CAMK1D: variants seen among roughly 807,000 people sequenced by gnomAD.
The protein encoded by CAMK1D is calcium/calmodulin-dependent protein kinase type 1D.
In CAMK1D, 9 loss-of-function variants were observed where a neutral mutation model predicts 47.7. That is an observed-to-expected ratio of 0.19 (90% CI 0.11 to 0.33). The LOEUF is 0.33. CAMK1D is among the 10% of genes least tolerant of loss of function. The pLI is 1.00. For synonymous variants in CAMK1D, 184 were observed against 184.9 expected, an observed-to-expected ratio of 0.99 and a Z score of 0.04; for missense variants, 291 against 488.7, an observed-to-expected ratio of 0.60 and a Z score of 3.81.
At position 12,703,066 on chromosome 10, in the gene CAMK1D, CTGAT is replaced by C. The variant is rs147934250; in HGVS notation, c.299+36259_299+36262del. Among the ~76,000 whole-genome samples, 211 of 152,286 alleles carry C rather than the reference CTGAT, an allele frequency of 1.4e-3. 2 individuals carry two copies. In the East Asian group the frequency reaches 0.036, roughly 26 times the overall value. The stretch of plus-strand genomic sequence containing the variant: ...CAGAGTTGTTTCCAAAGAAGTTCAT[CTGAT>C]TGTTTTTGTTGTTTTTCCATCCAAG... On this transcript the variant is annotated intron_variant, in intron 3 of 10. Transcript: ENST00000619168.
At chr10:12,563,876 GT>G (rs2132296993) in intron 2 of CAMK1D, among the ~76,000 whole-genome samples, 1 of 152,328 alleles carries the variant, frequency 6.6e-6, no homozygotes, top group African/African-American at 2.4e-5. Flanking sequence ...GTCTTTGCAT[GT>G]TTATTTCCTT....
intron 2 of CAMK1D, among the ~76,000 whole-genome samples, chr10:12,567,851 G>A (rs969322794): frequency 6.6e-6 from 1 of 152,066 alleles, no homozygotes; most frequent in Non-Finnish European, 1.5e-5. Flanking sequence ...AGAGTGCCTC[G>A]AATTTCGAGC....
chr10:12,360,746 T>C (rs1456133098), intron 1 of CAMK1D, among the ~76,000 whole-genome samples: 2 of 152,144 alleles, frequency 1.3e-5, no homozygotes, highest in African/African-American at 2.4e-5. Context: ...TAATGATGCA[T>C]TGAGGCTTTG....
At chr10:12,570,818 G>A (rs747358619) in intron 2 of CAMK1D, among the ~76,000 whole-genome samples, 3 of 152,060 alleles carry the variant, frequency 2.0e-5, no homozygotes, top group Non-Finnish European at 2.9e-5. Context: ...AGGCGTGGTA[G>A]AGCATGCCTG....
At chr10:12,683,607 C>G (rs944859784) in intron 3 of CAMK1D, among the ~76,000 whole-genome samples, 2 of 152,020 alleles carry the variant, frequency 1.3e-5, no homozygotes, top group African/African-American at 4.8e-5. Flanking sequence ...TTTAGTCTGT[C>G]TCTTCTGACT....
At chr10:12,806,753 C>T (rs1838747821) in intron 6 of CAMK1D, among the ~76,000 whole-genome samples, 1 of 152,222 alleles carries the variant, frequency 6.6e-6, no homozygotes, top group South Asian at 2.1e-4. Flanking sequence ...GGCTTGCTGG[C>T]ACACAAAAAG....
chr10:12,643,125 C>T (rs1001460553), intron 2 of CAMK1D, among the ~76,000 whole-genome samples: 1 of 152,142 alleles, frequency 6.6e-6, no homozygotes, highest in Non-Finnish European at 1.5e-5. Context: ...CCTTAGCAGC[C>T]TGAGTAGCTG....
Position 12,359,914 on chromosome 10 carries a change from G to C in CAMK1D, c.92+10004G>C, listed in dbSNP as rs952543828. 3.3e-5 allele frequency among the ~76,000 whole-genome samples: 5 copies of C among 152,152 alleles called. No individual in the cohort carries two copies. In the South Asian group the frequency reaches 1.0e-3, roughly 32 times the overall value. On this transcript the variant is annotated intron_variant, in intron 1 of 10. Transcript: ENST00000619168. ...ATACCCTTTTGGGGGATTTTTGCAT[G>C]GGAGTTGGGAGAAGATCTCAAAAAC...
chr10:12,572,273 T>C (rs1336102394), intron 2 of CAMK1D, among the ~76,000 whole-genome samples: 1 of 152,136 alleles, frequency 6.6e-6, no homozygotes, highest in Non-Finnish European at 1.5e-5. Context: ...GCTGTTCTCA[T>C]GAGAGTGAGG....
At chr10:12,501,674 T>C (rs1472083248) in intron 1 of CAMK1D, among the ~76,000 whole-genome samples, 2 of 152,176 alleles carry the variant, frequency 1.3e-5, no homozygotes, top group Non-Finnish European at 2.9e-5. Context: ...CAGGGGACAT[T>C]TGGTGACATC....
chr10:12,354,298 G>A (rs1310931989), intron 1 of CAMK1D, among the ~76,000 whole-genome samples: 2 of 152,156 alleles, frequency 1.3e-5, no homozygotes, highest in Non-Finnish European at 2.9e-5. Flanking sequence ...TCAGCCATGA[G>A]GGGTTTTGTG....
intron 3 of CAMK1D, among the ~76,000 whole-genome samples, chr10:12,755,286 C>G (rs10906218): frequency 6.6e-6 from 1 of 152,026 alleles, no homozygotes; most frequent in South Asian, 2.1e-4. Context: ...GAAGTTATGA[C>G]GATTATAGGC....
chr10:12,710,706 G>A (rs1004147240), intron 3 of CAMK1D, among the ~76,000 whole-genome samples: 21 of 152,086 alleles, frequency 1.4e-4, no homozygotes, highest in Admixed American at 4.6e-4. Context: ...TAGGAGTCAG[G>A]ACCCAGGCAA....
At chr10:12,778,354 A>G (rs1046671046) in intron 5 of CAMK1D, among the ~76,000 whole-genome samples, 1 of 152,164 alleles carries the variant, frequency 6.6e-6, no homozygotes, top group South Asian at 2.1e-4. Flanking sequence ...ACCCTTTTAC[A>G]TGTGGCGGCT....
At chr10:12,667,081 C>T (rs80271722) in intron 3 of CAMK1D, 6,430 of 366,438 alleles carry the variant, frequency 0.018, 131 homozygotes, top group South Asian at 0.11. Context: ...TGCAGGGTGT[C>T]TGTATTGCTT....
At chr10:12,445,110 A>T (rs1460994819) in intron 1 of CAMK1D, among the ~76,000 whole-genome samples, 1 of 152,186 alleles carries the variant, frequency 6.6e-6, no homozygotes, top group Non-Finnish European at 1.5e-5. Flanking sequence ...TATTGCTACA[A>T]AGCATCTGTT....
chr10:12,740,347 C>G (rs979217629), intron 3 of CAMK1D, among the ~76,000 whole-genome samples: 1 of 152,174 alleles, frequency 6.6e-6, no homozygotes, highest in African/African-American at 2.4e-5. Flanking sequence ...GCCTGTAATC[C>G]CAGCACTTTG....
chr10:12,711,414 T>A (rs868404367), intron 3 of CAMK1D, among the ~76,000 whole-genome samples: 2 of 152,360 alleles, frequency 1.3e-5, no homozygotes, highest in Middle Eastern at 3.4e-3. Flanking sequence ...GTCTTGTAGA[T>A]AAATATGCAT....
At chr10:12,744,382 C>T (rs1407502057) in intron 3 of CAMK1D, among the ~76,000 whole-genome samples, 1 of 152,162 alleles carries the variant, frequency 6.6e-6, no homozygotes, top group East Asian at 1.9e-4. Context: ...GCTATAGTTT[C>T]ACTTTTTGAG....
Sources: gnomAD v4.1 joint callset for allele counts (sites outside exome capture counted in the v4.1 genomes callset) on GRCh38, gnomAD v4.1.1 for gene constraint, MANE v1.5 for transcripts, NCBI Gene and HGNC (gene_info 2026-07-23, HGNC 2026-07-21) for gene names.